Variants in WNK1 observed in about 807,000 individuals in gnomAD.
The protein encoded by WNK1 is WNK lysine deficient protein kinase 1, also known as serine/threonine-protein kinase WNK1.
WNK1 carries 38 observed loss-of-function variants against 222.8 expected under a neutral mutation model. The observed-to-expected ratio is 0.17, with a 90% CI of 0.13 to 0.22. WNK1 has a LOEUF of 0.22. Among genes scored for constraint, WNK1 ranks in the 10% least tolerant of loss-of-function variants. WNK1 has a pLI of 1.00. For missense variants in WNK1, 2,348 were observed against 2,918.4 expected, an observed-to-expected ratio of 0.80 and a Z score of 4.50; for synonymous variants, 1,090 against 1,092.9, an observed-to-expected ratio of 1.00 and a Z score of 0.05.
At chr12:833,180 A>C (rs6489752) in intron 4 of WNK1, among the ~76,000 whole-genome samples, 107,389 of 152,130 alleles carry the variant, frequency 0.71, 38,575 homozygotes, top group East Asian at 0.87. Flanking sequence ...AATACCTCTT[A>C]GATGCAAGCC....
In WNK1 at chr12:827,014, C is replaced by G; in HGVS notation, c.933-28C>G. On this transcript the variant is annotated intron_variant, in intron 2 of 27. Coordinates refer to ENST00000315939, the MANE Select transcript of WNK1 (RefSeq NM_018979.4). The surrounding 1 kb of genome is among the most constrained non-coding windows in gnomAD (Gnocchi z 4.6). ...AGCAACAAACTCCTATCATTGATAA[C>G]TTGTTTGGTATACTTTGCTTTTTCT... The G allele has an allele frequency of 6.3e-7, 1 of 1,577,022 alleles. No homozygotes were observed. Among genetic ancestry groups the G allele is most frequent in the Non-Finnish European group, 8.7e-7 (1 of 1,148,246 alleles).
At chr12:868,706 C>A (rs776943255) in intron 8 of WNK1, 2 of 1,613,884 alleles carry the variant, frequency 1.2e-6, no homozygotes, top group Non-Finnish European at 1.7e-6. Context: ...CCGAAATCGG[C>A]AGGTTGCAGT....
chr12:828,321 A>G (rs1166521530), intron 3 of WNK1, among the ~76,000 whole-genome samples: 1 of 152,120 alleles, frequency 6.6e-6, no homozygotes, highest in Admixed American at 6.5e-5. Flanking sequence ...TAAAAAAAAT[A>G]AAAAGAATAA....
At chr12:800,525 A>G (rs891710207) in intron 1 of WNK1, among the ~76,000 whole-genome samples, 1 of 151,998 alleles carries the variant, frequency 6.6e-6, no homozygotes, top group Non-Finnish European at 1.5e-5. Context: ...TATTTCCTGA[A>G]TTTTTTGTTT....
intron 1 of WNK1, among the ~76,000 whole-genome samples, chr12:797,998 C>T (rs889620949): frequency 1.9e-4 from 28 of 150,668 alleles, no homozygotes; most frequent in African/African-American, 6.8e-4. Context: ...ATGTATTTTA[C>T]ATTGTGAAGA....
In WNK1 at chr12:876,646, C is replaced by T. The variant is rs537225816; in HGVS notation, c.2224-1566C>T. Among the ~76,000 whole-genome samples the T allele has an allele frequency of 2.0e-5, 3 of 152,194 alleles. No homozygotes were observed. In the South Asian group the frequency reaches 6.2e-4, roughly 32 times the overall value. On this transcript the variant is annotated intron_variant, in intron 9 of 27. Transcript: ENST00000315939. Reference sequence around the variant, plus strand: ...TTTATACCAGCAGTAACCAATTAGTCGTATGGGTATACCAGCACATACGTA... The same window carrying T: ...TTTATACCAGCAGTAACCAATTAGTTGTATGGGTATACCAGCACATACGTA...
chr12:795,563 C>G (rs1945240413), intron 1 of WNK1, among the ~76,000 whole-genome samples: 1 of 152,150 alleles, frequency 6.6e-6, no homozygotes, highest in Non-Finnish European at 1.5e-5. Flanking sequence ...ATGACTTGCT[C>G]CTCCTTGCCT....
Position 859,340 on chromosome 12 carries a change from C to G in WNK1, c.1496C>G (p.Ala499Gly). ...LAEEDDGEKI[A>G]IKLWLRIEDI... ...GAAGAAGATGATGGAGAAAAAATAG[C>G]CATAAAATTATGGCTACGTATTGAA... The change falls in exon 6 of 28, where the codon GCC (alanine) becomes GGC (glycine). Residue 499 changes from alanine (A) to glycine (G), a missense_variant. Around this residue, in one of 13 missense-constraint regions of WNK1, gnomAD observed 37 missense variants for 102.8 expected, o/e 0.36. Coordinates refer to ENST00000315939, the MANE Select transcript of WNK1 (RefSeq NM_018979.4). The G allele has an allele frequency of 6.2e-7, 1 of 1,612,728 alleles. No individual in the cohort carries two copies. Among genetic ancestry groups the G allele is most frequent in the Non-Finnish European group, 8.5e-7 (1 of 1,179,128 alleles).
chr12:848,719 T>C (rs1349769968), intron 4 of WNK1, among the ~76,000 whole-genome samples: 2 of 151,980 alleles, frequency 1.3e-5, no homozygotes, highest in Non-Finnish European at 2.9e-5. Context: ...TTGAAAGAAA[T>C]AGGGGAAATC....
intron 1 of WNK1, among the ~76,000 whole-genome samples, chr12:755,743 A>G (rs2121175290): frequency 6.6e-6 from 1 of 152,320 alleles, no homozygotes; most frequent in East Asian, 1.9e-4. Context: ...TTGGGAGGCC[A>G]AGGCGGGTGG....
chr12:857,435 G>A (rs1296134121), intron 5 of WNK1, among the ~76,000 whole-genome samples, 186 bp downstream of exon 5: 1 of 152,172 alleles, frequency 6.6e-6, no homozygotes, highest in East Asian at 1.9e-4. Flanking sequence ...CTGGAACACT[G>A]TAAAAATATG....
intron 1 of WNK1, among the ~76,000 whole-genome samples, chr12:765,446 C>T (rs1941569618): frequency 6.8e-6 from 1 of 147,530 alleles, no homozygotes; most frequent in South Asian, 2.2e-4. Flanking sequence ...CTTTAAGAGA[C>T]TGAACTGGGT....
At chr12:833,368 G>C (rs1295580880) in intron 4 of WNK1, among the ~76,000 whole-genome samples, 2 of 152,170 alleles carry the variant, frequency 1.3e-5, no homozygotes, top group Non-Finnish European at 1.5e-5. Flanking sequence ...GCTGATATCA[G>C]AGCAAGTACA....
intron 26 of WNK1, among the ~76,000 whole-genome samples, chr12:902,146 A>T (rs928820725): frequency 6.6e-6 from 1 of 151,818 alleles, no homozygotes; most frequent in Admixed American, 6.6e-5. Flanking sequence ...AAAAAAAAAA[A>T]AAGTTAGCCT....
chr12:846,634 G>T (rs1950046508), intron 4 of WNK1, among the ~76,000 whole-genome samples: 1 of 152,150 alleles, frequency 6.6e-6, no homozygotes, highest in Non-Finnish European at 1.5e-5. Flanking sequence ...TAACAACCAA[G>T]TTAGAAATAA....
chr12:786,446 TTTTATTTG>T (rs1944311951), intron 1 of WNK1, among the ~76,000 whole-genome samples: 1 of 151,632 alleles, frequency 6.6e-6, no homozygotes, highest in South Asian at 2.1e-4. Context: ...TTCACATTTG[TTTTATTTG>T]TTCCTCTATC....
At chr12:767,520 G>A (rs1281826263) in intron 1 of WNK1, among the ~76,000 whole-genome samples, 1 of 151,972 alleles carries the variant, frequency 6.6e-6, no homozygotes, top group African/African-American at 2.4e-5. Context: ...CAAAGTGCTG[G>A]GATAACAGGC....
At position 881,459 on chromosome 12, in the gene WNK1, G is replaced by C. The variant is rs1953152299; in HGVS notation, c.3112-233G>C. 1.8e-5 allele frequency: 10 copies of C among 556,548 alleles called. No individual in the cohort carries two copies. In the South Asian group the frequency reaches 2.0e-4, roughly 11 times the overall value. The allele number at this position is 556,548 out of a possible 1,614,324, so 34.5% of individuals were successfully genotyped here. A position where few individuals can be genotyped will look rare whatever the true frequency, so the allele number is the denominator to read the frequency against. ...AGTTGTAGGTTCACACTGCCTAGCA[G>C]ATATGTTGGCTGACCTCATACCATG... On this transcript the variant is annotated intron_variant, in intron 12 of 27. Transcript: ENST00000315939.
At chr12:854,355 C>CTTT (rs765372764) in intron 4 of WNK1, among the ~76,000 whole-genome samples, 2,182 of 97,698 alleles carry the variant, frequency 0.022, 213 homozygotes, top group African/African-American at 0.043. Context: ...TTATCATTAT[C>CTTT]TTTTTTTTTT....
Sources: gnomAD v4.1 joint callset for allele counts (sites outside exome capture counted in the v4.1 genomes callset) on GRCh38, gnomAD v4.1.1 for gene constraint, gnomAD v4.1.1 regional missense constraint, Gnocchi (gnomAD v3.1) non-coding constraint, MANE v1.5 for transcripts, NCBI Gene and HGNC (gene_info 2026-07-23, HGNC 2026-07-21) for gene names.